SPRY3: variants seen among roughly 807,000 people sequenced by gnomAD.
SPRY3 encodes the protein sprouty RTK signaling antagonist 3.
A neutral mutation model predicts 20.2 loss-of-function variants in SPRY3; 15 were observed. That is an observed-to-expected ratio of 0.74 (90% CI 0.50 to 1.14). The LOEUF (loss-of-function observed/expected upper bound fraction) is 1.14. Among genes scored for constraint, SPRY3 ranks in the 50% most tolerant of loss-of-function variants. The pLI, the probability that SPRY3 is intolerant of heterozygous loss-of-function variation, is 0.00. For missense variants in SPRY3, 364 were observed against 363.9 expected (o/e 1.00, Z 0.00); for synonymous variants, 143 against 136.5 (o/e 1.05, Z -0.33).
exon 4 of SPRY3, chrX:155,774,850 C>T: frequency 7.9e-7 from 1 of 1,261,814 alleles, no homozygotes; most frequent in Non-Finnish European, 1.1e-6. Context: ...GTTAGGGCCT[C>T]TCTTTTGTTC....
chrX:155,779,842 A>G (rs1421645103), downstream of SPRY3: 4 of 167,040 alleles, frequency 2.4e-5, no homozygotes, highest in Non-Finnish European at 5.9e-5. Context: ...TGTGTCCTAT[A>G]GATCATTGTC....
At chrX:155,635,064 C>G (rs368160185) in intron 1 of SPRY3, among the ~76,000 whole-genome samples, 1 of 108,889 alleles carries the variant, frequency 9.2e-6, no homozygotes. Context: ...CAGGCCCCAG[C>G]GTGTGATGCC....
chrX:155,754,459 C>T (rs1010469653), intron 2 of SPRY3, among the ~76,000 whole-genome samples: 20 of 151,954 alleles, frequency 1.3e-4, no homozygotes, highest in Non-Finnish European at 2.1e-4. Flanking sequence ...TATGTATATC[C>T]TTATTCCAGT....
downstream of SPRY3, chrX:155,780,975 C>G (rs1200117939): frequency 6.2e-6 from 1 of 161,634 alleles, no homozygotes; most frequent in East Asian, 2.0e-4. Flanking sequence ...TACCCTTTAA[C>G]TCTATTTTGT....
chrX:155,764,609 A>G (rs1418111124), intron 2 of SPRY3, among the ~76,000 whole-genome samples: 1 of 152,196 alleles, frequency 6.6e-6, no homozygotes, highest in Non-Finnish European at 1.5e-5. Context: ...GACAAATATA[A>G]TAAATATTAT....
intron 2 of SPRY3, among the ~76,000 whole-genome samples, chrX:155,757,884 A>G (rs2091289413): frequency 2.0e-5 from 3 of 152,212 alleles, no homozygotes; most frequent in South Asian, 4.1e-4. Context: ...TGGATTGGAT[A>G]AACAAGTATA....
At chrX:155,781,887 G>A (rs2091465217) in exon 2 of SPRY3, 1 of 166,076 alleles carries the variant, frequency 6.0e-6, no homozygotes, top group Admixed American at 6.6e-5. Context: ...TTAATCTGAG[G>A]TTGGCCTCAG....
intron 1 of SPRY3, among the ~76,000 whole-genome samples, chrX:155,633,403 A>G (rs1295508364): frequency 1.9e-5 from 2 of 104,344 alleles, no homozygotes; most frequent in African/African-American, 3.5e-5. Flanking sequence ...AAAAAAAAAA[A>G]GTTCATAGAC....
chrX:155,767,639 AG>A (rs912113177), intron 2 of SPRY3, among the ~76,000 whole-genome samples: 28 of 101,816 alleles, frequency 2.8e-4, no homozygotes, highest in African/African-American at 9.0e-4. Context: ...CTGGAGGGGG[AG>A]GGGGAAGAGA....
At chrX:155,633,953 C>A (rs782661558) in intron 1 of SPRY3, among the ~76,000 whole-genome samples, 1 of 111,180 alleles carries the variant, frequency 9.0e-6, no homozygotes, top group Non-Finnish European at 1.9e-5. Context: ...TGGTGGCATG[C>A]GCCCGTAGTT....
intron 2 of SPRY3, among the ~76,000 whole-genome samples, chrX:155,723,822 C>T: frequency 6.6e-6 from 1 of 152,168 alleles, no homozygotes; most frequent in Admixed American, 6.5e-5. Flanking sequence ...CTTTTGTTGC[C>T]ATTGCTTTTG....
At chrX:155,637,144 C>G (rs1196374288) in intron 1 of SPRY3, among the ~76,000 whole-genome samples, 1 of 108,137 alleles carries the variant, frequency 9.2e-6, no homozygotes, top group African/African-American at 3.4e-5. Flanking sequence ...TGTAACTAAC[C>G]TGCACATTGT....
At chrX:155,679,238 T>C (rs2068066524) in intron 2 of SPRY3, among the ~76,000 whole-genome samples, 1 of 111,192 alleles carries the variant, frequency 9.0e-6, no homozygotes, top group Admixed American at 9.6e-5. Flanking sequence ...AAACCATGAA[T>C]ACAAATTTTA....
intron 2 of SPRY3, among the ~76,000 whole-genome samples, chrX:155,706,059 C>A (rs2090948698): frequency 1.3e-5 from 2 of 151,256 alleles, no homozygotes; most frequent in South Asian, 2.1e-4. Flanking sequence ...AAGCAGAATA[C>A]AATTTCTTTT....
chrX:155,774,390 C>T (rs749381906), exon 4 of SPRY3: 2 of 1,614,038 alleles, frequency 1.2e-6, no homozygotes, highest in South Asian at 2.2e-5. Flanking sequence ...GCAACCAGCG[C>T]TGCCTTTGCT....
At chrX:155,740,345 C>T (rs1368379030) in intron 2 of SPRY3, among the ~76,000 whole-genome samples, 1 of 152,100 alleles carries the variant, frequency 6.6e-6, no homozygotes, top group Admixed American at 6.5e-5. Flanking sequence ...GGTCTGACTG[C>T]CTGCGGGGTC....
chrX:155,759,147 C>T (rs1452993009), intron 2 of SPRY3, among the ~76,000 whole-genome samples: 1 of 151,602 alleles, frequency 6.6e-6, no homozygotes, highest in Non-Finnish European at 1.5e-5. Flanking sequence ...CCTCTGCCTC[C>T]CGAGTAGCTG....
intron 1 of SPRY3, among the ~76,000 whole-genome samples, chrX:155,633,337 G>A (rs781880362): frequency 2.2e-5 from 2 of 89,989 alleles, no homozygotes; most frequent in East Asian, 6.9e-4. Context: ...TCAGGAGATC[G>A]AGACCATCCT....
chrX:155,762,939 A>G (rs1028606293), intron 2 of SPRY3, among the ~76,000 whole-genome samples: 9 of 152,166 alleles, frequency 5.9e-5, no homozygotes, highest in African/African-American at 2.2e-4. Context: ...CACTATTCAC[A>G]ATGGCAAAGA....
Sources: gnomAD v4.1 joint callset for allele counts (sites outside exome capture counted in the v4.1 genomes callset) on GRCh38, gnomAD v4.1.1 for gene constraint, MANE v1.5 for transcripts, NCBI Gene and HGNC (gene_info 2026-07-23, HGNC 2026-07-21) for gene names.